TACR3: variants seen among roughly 807,000 people sequenced by gnomAD.
TACR3 encodes the protein neuromedin-K receptor.
A neutral mutation model predicts 35.0 loss-of-function variants in TACR3; 34 were observed. That is an observed-to-expected ratio of 0.97 (90% CI 0.74 to 1.30). The LOEUF (loss-of-function observed/expected upper bound fraction) is 1.30. Among genes scored for constraint, TACR3 ranks in the 50% most tolerant of loss-of-function variants. The pLI is 0.00. For missense variants in TACR3, 558 were observed against 591.7 expected, an observed-to-expected ratio of 0.94 and a Z score of 0.59; for synonymous variants, 233 against 221.1, an observed-to-expected ratio of 1.05 and a Z score of -0.48.
chr4:103,623,402 C>A (rs1265442594), intron 3 of TACR3, among the ~76,000 whole-genome samples: 2 of 151,840 alleles, frequency 1.3e-5, no homozygotes, highest in Non-Finnish European at 2.9e-5. Context: ...TAATTAACAA[C>A]TTCATATGCT....
chr4:103,710,579 G>T (rs1722922481), intron 1 of TACR3, among the ~76,000 whole-genome samples: 2 of 152,084 alleles, frequency 1.3e-5, no homozygotes, highest in African/African-American at 4.8e-5. Context: ...ACAATTAAAA[G>T]AACTAGAGAA....
chr4:103,618,564 C>CTTTTTTTTTTT (rs57837921), intron 3 of TACR3, among the ~76,000 whole-genome samples: 7 of 61,448 alleles, frequency 1.1e-4, no homozygotes, highest in African/African-American at 2.7e-4. Context: ...GTGACTTGGG[C>CTTTTTTTTTTT]TTTTTTTTTT....
chr4:103,623,472 A>G (rs1173591228), intron 3 of TACR3, among the ~76,000 whole-genome samples: 1 of 152,202 alleles, frequency 6.6e-6, no homozygotes, highest in African/African-American at 2.4e-5. Context: ...ATCATAGACT[A>G]TAACAGCCAT....
intron 3 of TACR3, among the ~76,000 whole-genome samples, chr4:103,602,361 G>C (rs921329335): frequency 6.6e-6 from 1 of 151,948 alleles, no homozygotes; most frequent in Non-Finnish European, 1.5e-5. Context: ...TAGTTTGATT[G>C]TCTGAAGCCT....
At position 103,589,965 on chromosome 4, in the gene TACR3, C is replaced by T. The variant is rs765147223; in HGVS notation, c.1115G>A (p.Arg372His). Residue 372 changes from arginine to histidine, a missense_variant, in exon 5 of 5, where the codon CGC becomes CAC. Transcript: ENST00000304883. ...RFRAGFKRAF[R>H]WCPFIKVSSY... ...GGAAACTTTGATGAAAGGACACCAGCGAAATGCTCTCTTGAAGCCAGCTCG... is the reference window on the plus strand; with the variant it reads ...GGAAACTTTGATGAAAGGACACCAGTGAAATGCTCTCTTGAAGCCAGCTCG... 2.4e-5 allele frequency: 39 copies of T among 1,613,528 alleles called. No homozygotes were observed. In the African/African-American group the frequency reaches 3.1e-4, roughly 13 times the overall value.
intron 3 of TACR3, among the ~76,000 whole-genome samples, chr4:103,651,522 G>A (rs1725617370): frequency 6.6e-6 from 1 of 151,496 alleles, no homozygotes; most frequent in Admixed American, 6.6e-5. Context: ...GTCCAAAAAT[G>A]TTGTCCAAGT....
At chr4:103,669,509 C>T (rs985174492) in intron 1 of TACR3, among the ~76,000 whole-genome samples, 1 of 151,938 alleles carries the variant, frequency 6.6e-6, no homozygotes, top group Admixed American at 6.6e-5. Context: ...GCATCTATTA[C>T]TTTTTGTATT....
intron 1 of TACR3, among the ~76,000 whole-genome samples, chr4:103,660,413 T>C (rs1216363609): frequency 1.3e-5 from 2 of 152,056 alleles, no homozygotes; most frequent in African/African-American, 4.8e-5. Flanking sequence ...AAAGTTTTAA[T>C]AATGCAAGAT....
intron 1 of TACR3, among the ~76,000 whole-genome samples, chr4:103,672,625 T>C (rs188816102): frequency 4.6e-5 from 7 of 152,330 alleles, no homozygotes; most frequent in Admixed American, 4.6e-4. Context: ...GTTCATTTTA[T>C]AGGGCACTGG....
chr4:103,713,265 C>G (rs2110232437), intron 1 of TACR3, among the ~76,000 whole-genome samples: 1 of 152,098 alleles, frequency 6.6e-6, no homozygotes, highest in East Asian at 1.9e-4. Context: ...GAAAATGTGG[C>G]ACATATACAC....
rs1560816375 is a variant in TACR3 at position 103,635,289 on chromosome 4, T to A, written c.888+20905A>T. Among the ~76,000 whole-genome samples the A allele has an allele frequency of 2.0e-5, 3 of 151,106 alleles. No individual in the cohort carries two copies. In the East Asian group the frequency reaches 5.9e-4, roughly 29 times the overall value. ...TCTGACAACTAGATAGGGCTAAGGG[T>A]TGAAGAGGAAGGAATGAGGTGGAAC... On this transcript the variant is annotated intron_variant, in intron 3 of 4. Transcript: ENST00000304883.
At chr4:103,681,499 C>T (rs1197968688) in intron 1 of TACR3, among the ~76,000 whole-genome samples, 2 of 151,908 alleles carry the variant, frequency 1.3e-5, no homozygotes, top group African/African-American at 4.8e-5. Context: ...CCATGTACAT[C>T]AAGGCAAAGA....
At chr4:103,709,570 C>T (rs1337299730) in intron 1 of TACR3, among the ~76,000 whole-genome samples, 3 of 152,126 alleles carry the variant, frequency 2.0e-5, no homozygotes, top group African/African-American at 7.2e-5. Flanking sequence ...TTGTAAAGAC[C>T]ATCAATGCCA....
In TACR3 at chr4:103,658,199, T is replaced by C. The variant is rs1725769486; in HGVS notation, c.737+16A>G. ...TGATAAACTGAATTGAAAACCATAA[T>C]AGAGAATTAACTTACGTGAAATGTT... On this transcript the variant is annotated intron_variant, in intron 2 of 4. Coordinates refer to ENST00000304883, the MANE Select transcript of TACR3 (RefSeq NM_001059.3). 4 of 1,612,360 alleles carry C rather than the reference T, an allele frequency of 2.5e-6. No homozygotes were observed. Among genetic ancestry groups the C allele is most frequent in the Admixed American group, 1.7e-5 (1 of 59,922 alleles).
At chr4:103,607,763 T>A (rs1201834400) in intron 3 of TACR3, among the ~76,000 whole-genome samples, 1 of 152,192 alleles carries the variant, frequency 6.6e-6, no homozygotes. Flanking sequence ...AAGCCCCAAA[T>A]AAGTCAGACA....
chr4:103,634,084 G>T (rs1262320138), intron 3 of TACR3, among the ~76,000 whole-genome samples: 1 of 152,054 alleles, frequency 6.6e-6, no homozygotes, highest in Non-Finnish European at 1.5e-5. Flanking sequence ...GGACTAGAAG[G>T]CAGATGGCAT....
At chr4:103,595,526 G>A (rs1447623996) in intron 3 of TACR3, among the ~76,000 whole-genome samples, 3 of 152,076 alleles carry the variant, frequency 2.0e-5, no homozygotes, top group Non-Finnish European at 2.9e-5. Context: ...ATGTATCAAA[G>A]GGGAAAGATC....
intron 1 of TACR3, among the ~76,000 whole-genome samples, chr4:103,670,147 T>C (rs1467011997): frequency 6.6e-6 from 1 of 151,996 alleles, no homozygotes; most frequent in Non-Finnish European, 1.5e-5. Flanking sequence ...GTTGCAAACA[T>C]GTGGATTTAT....
intron 3 of TACR3, among the ~76,000 whole-genome samples, chr4:103,594,704 T>C (rs191837833): frequency 6.6e-6 from 1 of 152,094 alleles, no homozygotes; most frequent in Non-Finnish European, 1.5e-5. Flanking sequence ...GTGCAAAAAG[T>C]TCAGAAAAAC....
Sources: gnomAD v4.1 joint callset for allele counts (sites outside exome capture counted in the v4.1 genomes callset) on GRCh38, gnomAD v4.1.1 for gene constraint, MANE v1.5 for transcripts, NCBI Gene and HGNC (gene_info 2026-07-23, HGNC 2026-07-21) for gene names.